The following DCLK1 variants were observed in gnomAD, a reference collection of about 807,000 sequenced individuals.
The protein encoded by DCLK1 is doublecortin like kinase 1, also known as serine/threonine-protein kinase DCLK1.
In DCLK1, 16 loss-of-function variants were observed where a neutral mutation model predicts 86.2. The ratio of observed to expected loss-of-function variants is 0.19; its 90% CI spans 0.13 to 0.28. The LOEUF is 0.28. DCLK1 is among the 10% of genes least tolerant of loss of function. The probability of loss-of-function intolerance (pLI) is 1.00; values close to 1 mark genes in which losing one functional copy is unlikely to be tolerated. For missense variants in DCLK1, 590 were observed against 940.2 expected, an observed-to-expected ratio of 0.63 and a Z score of 4.87; for synonymous variants, 369 against 370.5, an observed-to-expected ratio of 1.00 and a Z score of 0.05.
At chr13:35,909,026 T>A (rs1021387491) in intron 4 of DCLK1, among the ~76,000 whole-genome samples, 9 of 152,214 alleles carry the variant, frequency 5.9e-5, no homozygotes, top group Admixed American at 5.2e-4. Flanking sequence ...AAAGAAAACA[T>A]GTTTCCAGAC....
chr13:36,056,426 T>C (rs1883311857), intron 3 of DCLK1, among the ~76,000 whole-genome samples: 1 of 104,082 alleles, frequency 9.6e-6, no homozygotes, highest in Non-Finnish European at 1.8e-5. Flanking sequence ...TGAGATCACA[T>C]GGACACAGGA....
At chr13:36,042,814 T>A (rs1754112314) in intron 3 of DCLK1, among the ~76,000 whole-genome samples, 1 of 152,186 alleles carries the variant, frequency 6.6e-6, no homozygotes, top group African/African-American at 2.4e-5. Context: ...GAGCAAGAAA[T>A]CAAAAGAATT....
chr13:36,032,190 G>A (rs1882310211), intron 3 of DCLK1, among the ~76,000 whole-genome samples: 1 of 150,596 alleles, frequency 6.6e-6, no homozygotes, highest in African/African-American at 2.4e-5. Flanking sequence ...CGCCTAGGCA[G>A]GAGTGCAATG....
intron 3 of DCLK1, among the ~76,000 whole-genome samples, chr13:35,947,923 T>A (rs1006216211): frequency 1.3e-5 from 2 of 152,224 alleles, no homozygotes; most frequent in African/African-American, 4.8e-5. Flanking sequence ...TTTAAACCCA[T>A]TCTACCTCTA....
At chr13:35,839,725 A>ATTGGTTTGT (rs1869655445) in intron 6 of DCLK1, among the ~76,000 whole-genome samples, 1 of 152,196 alleles carries the variant, frequency 6.6e-6, no homozygotes, top group African/African-American at 2.4e-5. Flanking sequence ...TGAGTAGGTT[A>ATTGGTTTGT]TTGGTTTGTT....
chr13:36,130,725 A>C (rs1292908051), intron 1 of DCLK1, among the ~76,000 whole-genome samples: 2 of 151,372 alleles, frequency 1.3e-5, no homozygotes, highest in Non-Finnish European at 2.9e-5. Context: ...GGGCCCGGCC[A>C]CTCCTTCCTT....
At chr13:35,905,694 C>T (rs180925467) in intron 4 of DCLK1, among the ~76,000 whole-genome samples, 15 of 152,164 alleles carry the variant, frequency 9.9e-5, no homozygotes, top group Admixed American at 2.0e-4. Flanking sequence ...GCCTGTATTC[C>T]CAGCGCATTG....
At chr13:36,067,651 A>G (rs559625779) in intron 3 of DCLK1, among the ~76,000 whole-genome samples, 1 of 152,144 alleles carries the variant, frequency 6.6e-6, no homozygotes, top group Non-Finnish European at 1.5e-5. Context: ...TTCAGAAACT[A>G]AGGCCTTAAG....
intron 2 of DCLK1, among the ~76,000 whole-genome samples, chr13:36,124,802 ACTT>A (rs1307668482): frequency 1.1e-4 from 16 of 152,152 alleles, no homozygotes; most frequent in African/African-American, 3.6e-4. Flanking sequence ...TGTGCCATCT[ACTT>A]CTTCATCATC....
Position 35,994,938 on chromosome 13 carries a change from T to C in DCLK1, c.724-47481A>G, listed in dbSNP as rs531453318. Among the ~76,000 whole-genome samples, 3 of 152,298 alleles carry C rather than the reference T, an allele frequency of 2.0e-5. No individual in the cohort carries two copies. In the East Asian group the frequency reaches 5.8e-4, roughly 29 times the overall value. On this transcript the variant is annotated intron_variant, in intron 3 of 16. Coordinates refer to ENST00000360631, the MANE Select transcript of DCLK1 (RefSeq NM_001330071.2). ...AGGCACAGATGACGGCAATAAGAAATGGCCCATCATTAAGGTTCATTCAAA... is the reference window on the plus strand; with the variant it reads ...AGGCACAGATGACGGCAATAAGAAACGGCCCATCATTAAGGTTCATTCAAA...
chr13:36,038,666 C>T (rs1882594074), intron 3 of DCLK1, among the ~76,000 whole-genome samples: 1 of 152,172 alleles, frequency 6.6e-6, no homozygotes, highest in Non-Finnish European at 1.5e-5. Context: ...GCATGTCTTC[C>T]ATAAATGCCA....
chr13:35,903,467 A>G (rs1874498086), intron 4 of DCLK1, among the ~76,000 whole-genome samples: 1 of 152,076 alleles, frequency 6.6e-6, no homozygotes, highest in African/African-American at 2.4e-5. Flanking sequence ...GTTTCTTCCT[A>G]TTTCATTGCC....
intron 10 of DCLK1, among the ~76,000 whole-genome samples, chr13:35,823,520 AG>A (rs575357802): frequency 2.6e-5 from 4 of 152,122 alleles, no homozygotes; most frequent in Non-Finnish European, 4.4e-5. Flanking sequence ...GGAGGGAGGA[AG>A]GGGGGGAAAT....
intron 5 of DCLK1, among the ~76,000 whole-genome samples, chr13:35,864,390 C>T (rs1871628763): frequency 9.0e-6 from 1 of 111,256 alleles, no homozygotes; most frequent in South Asian, 2.9e-4. Context: ...ACGGTGAAAC[C>T]CCGTCTCTAC....
chr13:35,804,725 G>A (rs1009749075), intron 15 of DCLK1, among the ~76,000 whole-genome samples: 3 of 152,136 alleles, frequency 2.0e-5, no homozygotes, highest in African/African-American at 7.2e-5. Flanking sequence ...GAGGCACTGC[G>A]CCCAGCCAAC....
intron 3 of DCLK1, among the ~76,000 whole-genome samples, chr13:35,954,878 GC>G (rs1593764442): frequency 2.0e-5 from 3 of 152,008 alleles, no homozygotes; most frequent in Admixed American, 1.3e-4. Flanking sequence ...TTCAGAATAG[GC>G]TAGGAGATAA....
chr13:36,054,627 G>A (rs1269523712), intron 3 of DCLK1, among the ~76,000 whole-genome samples: 1 of 152,162 alleles, frequency 6.6e-6, no homozygotes. Context: ...AAAGGACAGA[G>A]TAATGGGGAT....
intron 16 of DCLK1, among the ~76,000 whole-genome samples, chr13:35,779,529 A>G (rs889729537): frequency 1.3e-5 from 2 of 152,190 alleles, no homozygotes; most frequent in African/African-American, 4.8e-5. Flanking sequence ...AACATTTCTT[A>G]GTGAATACGG....
At chr13:36,062,319 A>T (rs1883581687) in intron 3 of DCLK1, among the ~76,000 whole-genome samples, 1 of 152,170 alleles carries the variant, frequency 6.6e-6, no homozygotes, top group African/African-American at 2.4e-5. Flanking sequence ...CCTGAAGGCC[A>T]TATGGATGTT....
Sources: gnomAD v4.1 joint callset for allele counts (sites outside exome capture counted in the v4.1 genomes callset) on GRCh38, gnomAD v4.1.1 for gene constraint, MANE v1.5 for transcripts, NCBI Gene and HGNC (gene_info 2026-07-23, HGNC 2026-07-21) for gene names.